Variants in ANP32B observed in about 807,000 individuals in gnomAD.
ANP32B encodes acidic nuclear phosphoprotein 32 family member B.
ANP32B carries 6 observed loss-of-function variants against 32.2 expected under a neutral mutation model. That is an observed-to-expected ratio of 0.19 (90% CI 0.10 to 0.37). The LOEUF is 0.37. Ranked by LOEUF, ANP32B falls within the 10% of genes least tolerant of loss-of-function variation. The pLI, the probability that ANP32B is intolerant of heterozygous loss-of-function variation, is 1.00. For missense variants in ANP32B, 204 were observed against 289.2 expected (o/e 0.71, Z 2.14); for synonymous variants, 98 against 105.8 (o/e 0.93, Z 0.45).
intron 1 of ANP32B, among the ~76,000 whole-genome samples, chr9:97,989,810 A>G (rs1827794291): frequency 6.6e-6 from 1 of 152,200 alleles, no homozygotes; most frequent in Admixed American, 6.5e-5. Context: ...CTCTGTGGAG[A>G]TCCACTGAGA....
intron 6 of ANP32B, among the ~76,000 whole-genome samples, chr9:98,014,006 CAAATA>C (rs1432961070): frequency 3.3e-5 from 5 of 152,016 alleles, no homozygotes; most frequent in African/African-American, 1.2e-4. Context: ...GACCTTGTCT[CAAATA>C]AAAAGTCTCA....
chr9:97,992,145 A>G lies in ANP32B; in HGVS notation c.55-2486A>G, dbSNP rs1587872450. On this transcript the variant is annotated intron_variant, in intron 1 of 6. Transcript: ENST00000339399. ...TCCTTTTTCACCGAGGCTGGGGTGC[A>G]GTGGCACATTCTCAGCTCACTGCAA... 2.6e-5 allele frequency among the ~76,000 whole-genome samples: 4 copies of G among 151,976 alleles called. 1 individual carries two copies. Among genetic ancestry groups the G allele is most frequent in the Admixed American group, 2.6e-4 (4 of 15,268 alleles).
Position 98,015,570 on chromosome 9 carries a change from A to C in ANP32B, c.*139A>C. 7.2e-7 allele frequency: 1 copy of C among 1,389,084 alleles called. No homozygotes were observed. The allele number at this position is 1,389,084 out of a possible 1,614,324, so 86.0% of individuals were successfully genotyped here. ...CCACCCACCCAAAGAGCCAAAGAAT[A>C]GTTCCTGTGACATTCCGCCTTCCTT... On this transcript the variant is annotated 3_prime_UTR_variant, in exon 7 of 7. Transcript: ENST00000339399.
intron 4 of ANP32B, among the ~76,000 whole-genome samples, chr9:98,008,099 G>C (rs1033888038): frequency 6.6e-6 from 1 of 152,046 alleles, no homozygotes; most frequent in Non-Finnish European, 1.5e-5. Flanking sequence ...TAAGCCCACT[G>C]TCCATTAGCT....
chr9:98,004,796 G>C, intron 3 of ANP32B, 168 bp from the exon 4 acceptor site: 1 of 500,744 alleles, frequency 2.0e-6, no homozygotes, highest in Non-Finnish European at 3.5e-6. Context: ...CTAAAGTCTA[G>C]TAACCTAATA....
rs753309900 is a variant in ANP32B at position 98,015,706 on chromosome 9, G to A, written c.*275G>A. On this transcript the variant is annotated 3_prime_UTR_variant, in exon 7 of 7. Coordinates refer to ENST00000339399, the MANE Select transcript of ANP32B (RefSeq NM_006401.3). ...GATTCTTGCTGTAGCGTGGATAGCTGTGATTGGTGAGTCAACCGTCTGTGG... is the reference window on the plus strand; with the variant it reads ...GATTCTTGCTGTAGCGTGGATAGCTATGATTGGTGAGTCAACCGTCTGTGG... The A allele has an allele frequency of 9.3e-7, 1 of 1,078,372 alleles. No individual in the cohort carries two copies. 66.8% of individuals were successfully genotyped at this position (1,078,372 alleles called of 1,614,324 possible).
chr9:97,996,669 C>T (rs1339358436), intron 2 of ANP32B, among the ~76,000 whole-genome samples: 2 of 152,104 alleles, frequency 1.3e-5, no homozygotes, highest in Non-Finnish European at 2.9e-5. Context: ...TCTCGGCTCA[C>T]TGCAACCTCC....
At position 98,012,490 on chromosome 9, in the gene ANP32B, A is replaced by G; in HGVS notation, c.688+18A>G. ...GGATGAAGGTGGGCCTAATGCATGC[A>G]TTTTGATCATTCTCAGTTAAAAATT... is the stretch of plus-strand genomic sequence containing the variant. On this transcript the variant is annotated intron_variant, in intron 6 of 6. Coordinates refer to ENST00000339399, the MANE Select transcript of ANP32B (RefSeq NM_006401.3). The G allele has an allele frequency of 6.2e-7, 1 of 1,608,812 alleles. No homozygotes were observed.
intron 5 of ANP32B, 74 bp downstream of exon 5, chr9:98,011,463 A>G (rs1564141895): frequency 1.3e-6 from 2 of 1,523,076 alleles, no homozygotes; most frequent in African/African-American, 1.4e-5. Context: ...AAAGATGACA[A>G]AAGAAAAGAA....
intron 1 of ANP32B, among the ~76,000 whole-genome samples, chr9:97,986,151 CCTT>C (rs1207660451): frequency 3.9e-5 from 6 of 152,208 alleles, no homozygotes; most frequent in African/African-American, 9.7e-5. Context: ...ATCAGCTTAA[CCTT>C]CTTGCCAGTC....
intron 3 of ANP32B, 78 bp from the exon 4 acceptor site, chr9:98,004,886 T>C: frequency 8.4e-7 from 1 of 1,194,444 alleles, no homozygotes; most frequent in Non-Finnish European, 1.2e-6. Flanking sequence ...GAGCCTAGAA[T>C]TTTACCTCTT....
chr9:98,012,568 T>C, intron 6 of ANP32B, 96 bp downstream of exon 6: 1 of 1,527,580 alleles, frequency 6.5e-7, no homozygotes. Context: ...GAAAATAAAA[T>C]ACTCTTGGCT....
chr9:97,991,675 AAAG>A (rs1346712070), intron 1 of ANP32B, among the ~76,000 whole-genome samples: 3 of 152,230 alleles, frequency 2.0e-5, no homozygotes, highest in South Asian at 2.1e-4. Context: ...CATTTTAAAT[AAAG>A]AACTCTTAAC....
chr9:97,994,173 GCC>G (rs771811875), intron 1 of ANP32B, among the ~76,000 whole-genome samples: 4 of 152,140 alleles, frequency 2.6e-5, no homozygotes, highest in Non-Finnish European at 4.4e-5. Context: ...GAAACCTCTA[GCC>G]AGAATCTCTT....
At chr9:97,984,828 GC>G (rs1216244284) in intron 1 of ANP32B, 2 of 149,942 alleles carry the variant, frequency 1.3e-5, no homozygotes, top group Non-Finnish European at 3.0e-5. Flanking sequence ...GCAGGCGGCC[GC>G]CCCCGCCCCG....
At chr9:97,983,821 G>A (rs1415398834) in intron 1 of ANP32B, among the ~76,000 whole-genome samples, 1 of 151,904 alleles carries the variant, frequency 6.6e-6, no homozygotes. Flanking sequence ...GCGGCCGGGG[G>A]GAGGCAGCGG....
chr9:97,997,027 C>T (rs1315128890), intron 2 of ANP32B, among the ~76,000 whole-genome samples: 1 of 152,138 alleles, frequency 6.6e-6, no homozygotes. Context: ...GGTAGACTGC[C>T]TTGTTTTGGT....
At chr9:97,990,214 T>C (rs904832007) in intron 1 of ANP32B, among the ~76,000 whole-genome samples, 4 of 152,222 alleles carry the variant, frequency 2.6e-5, no homozygotes, top group Admixed American at 2.0e-4. Context: ...TACTCAGTTA[T>C]CACTGAGTGT....
In ANP32B at chr9:98,015,678, T is replaced by TA. The variant is rs1828267477; in HGVS notation, c.*249dup. Reference sequence around the variant, plus strand: ...TTGTAAGCGTTGTTAGGTTTTTGTGTAAGATTCTTGCTGTAGCGTGGATAG... The same window carrying TA: ...TTGTAAGCGTTGTTAGGTTTTTGTGTAAAGATTCTTGCTGTAGCGTGGATAG... On this transcript the variant is annotated 3_prime_UTR_variant, in exon 7 of 7. Coordinates refer to ENST00000339399, the MANE Select transcript of ANP32B (RefSeq NM_006401.3). 1 of 1,179,042 alleles carries TA rather than the reference T, an allele frequency of 8.5e-7. No homozygotes were observed. Among genetic ancestry groups the TA allele is most frequent in the African/African-American group, 1.6e-5 (1 of 63,932 alleles). 73.0% of individuals were successfully genotyped at this position (1,179,042 alleles called of 1,614,324 possible).
Sources: gnomAD v4.1 joint callset for allele counts (sites outside exome capture counted in the v4.1 genomes callset) on GRCh38, gnomAD v4.1.1 for gene constraint, MANE v1.5 for transcripts, NCBI Gene and HGNC (gene_info 2026-07-23, HGNC 2026-07-21) for gene names.